The following PRR16 variants were observed in gnomAD, a reference collection of about 807,000 sequenced individuals.
PRR16 encodes the protein protein Largen.
Under a neutral mutation model 18.2 loss-of-function variants are expected in PRR16, and 6 were observed. The observed-to-expected ratio is 0.33, with a 90% CI of 0.18 to 0.65. PRR16 has a LOEUF of 0.65. Ranked by LOEUF, PRR16 falls within the 30% of genes least tolerant of loss-of-function variation. The probability of loss-of-function intolerance (pLI) is 0.74; values close to 1 mark genes in which losing one functional copy is unlikely to be tolerated. For missense variants in PRR16, 412 were observed against 376.6 expected, an observed-to-expected ratio of 1.09 and a Z score of -0.78; for synonymous variants, 151 against 147.8, an observed-to-expected ratio of 1.02 and a Z score of -0.16.
At chr5:120,502,883 A>G (rs10478474) in intron 1 of PRR16, among the ~76,000 whole-genome samples, 41,511 of 152,060 alleles carry the variant, frequency 0.27, 6,983 homozygotes, top group African/African-American at 0.48. Flanking sequence ...TTATTCAGAT[A>G]GTCTACTTTT....
chr5:120,667,124 C>A (rs1756409118), intron 1 of PRR16, among the ~76,000 whole-genome samples: 1 of 152,142 alleles, frequency 6.6e-6, no homozygotes, highest in Non-Finnish European at 1.5e-5. Flanking sequence ...TTGATTATTG[C>A]CACAATTTCC....
intron 1 of PRR16, among the ~76,000 whole-genome samples, chr5:120,621,083 A>G (rs971300864): frequency 1.1e-4 from 17 of 152,024 alleles, no homozygotes; most frequent in Non-Finnish European, 2.9e-5. Flanking sequence ...TTCCTCCAAA[A>G]TCCTGAGTCC....
At chr5:120,748,215 T>C in the PRR16 span, among the ~76,000 whole-genome samples, 1 of 152,088 alleles carries the variant, frequency 6.6e-6, no homozygotes, top group Non-Finnish European at 1.5e-5. Flanking sequence ...TATTTTTAAA[T>C]TACATGGTTT....
the PRR16 span, among the ~76,000 whole-genome samples, chr5:120,714,248 T>G: frequency 6.6e-6 from 1 of 152,158 alleles, no homozygotes; most frequent in Admixed American, 6.5e-5. Context: ...TAATAGAACA[T>G]AATGTAAAAT....
At chr5:120,579,724 C>A (rs1273644379) in intron 1 of PRR16, among the ~76,000 whole-genome samples, 1 of 152,060 alleles carries the variant, frequency 6.6e-6, no homozygotes, top group Admixed American at 6.6e-5. Context: ...CTGTATGGGG[C>A]CTTCTTTAAT....
the PRR16 span, among the ~76,000 whole-genome samples, chr5:120,793,365 G>A: frequency 1.3e-5 from 2 of 152,184 alleles, no homozygotes; most frequent in African/African-American, 2.4e-5. Flanking sequence ...AAAAAAAAAG[G>A]TATATGGTTT....
At chr5:120,688,717 G>C (rs1384732711), downstream of PRR16, among the ~76,000 whole-genome samples, 1 of 152,070 alleles carries the variant, frequency 6.6e-6, no homozygotes, top group African/African-American at 2.4e-5. Flanking sequence ...TCACCCTATA[G>C]TTTAAGACTG....
the PRR16 span, among the ~76,000 whole-genome samples, chr5:120,782,422 A>AT: frequency 6.6e-6 from 1 of 152,286 alleles, no homozygotes; most frequent in South Asian, 2.1e-4. Flanking sequence ...TATCTTTCAA[A>AT]TTGTGTTTTA....
intron 1 of PRR16, among the ~76,000 whole-genome samples, chr5:120,632,417 T>C (rs1207267612): frequency 6.6e-6 from 1 of 152,056 alleles, no homozygotes. Context: ...AGAAGGTCAA[T>C]TATTGAGCTA....
intron 1 of PRR16, among the ~76,000 whole-genome samples, chr5:120,641,945 C>T (rs774009760): frequency 1.1e-4 from 16 of 152,194 alleles, no homozygotes; most frequent in Middle Eastern, 3.4e-3. Context: ...CTCAAACCTA[C>T]TGCTCTTTAG....
At chr5:120,784,102 C>T in the PRR16 span, among the ~76,000 whole-genome samples, 1 of 152,042 alleles carries the variant, frequency 6.6e-6, no homozygotes, top group Non-Finnish European at 1.5e-5. Context: ...CTTATCCATT[C>T]ATTGGTTGAT....
intron 1 of PRR16, among the ~76,000 whole-genome samples, chr5:120,588,128 A>C (rs551303607): frequency 6.6e-6 from 1 of 152,332 alleles, no homozygotes; most frequent in South Asian, 2.1e-4. Flanking sequence ...TTTTATGATA[A>C]AAATTTAATG....
chr5:120,630,485 C>A (rs1320473593), intron 1 of PRR16, among the ~76,000 whole-genome samples: 1 of 152,108 alleles, frequency 6.6e-6, no homozygotes, highest in Non-Finnish European at 1.5e-5. Flanking sequence ...TGCTACAGTC[C>A]ACTGCTGGAG....
chr5:120,478,763 A>G (rs899941768), intron 1 of PRR16, among the ~76,000 whole-genome samples: 1 of 152,126 alleles, frequency 6.6e-6, no homozygotes, highest in Non-Finnish European at 1.5e-5. Context: ...ATCAGATGTA[A>G]TTCTATTTTC....
intron 1 of PRR16, among the ~76,000 whole-genome samples, chr5:120,533,993 T>C (rs1384929391): frequency 6.6e-6 from 1 of 152,174 alleles, no homozygotes; most frequent in Non-Finnish European, 1.5e-5. Context: ...TGAGCATTTT[T>C]AGGTGCCTCC....
the PRR16 span, among the ~76,000 whole-genome samples, chr5:120,754,111 T>C: frequency 9.4e-5 from 4 of 42,550 alleles, no homozygotes; most frequent in African/African-American, 2.3e-4. Flanking sequence ...AGGAAGAAAA[T>C]AGAATATTTC....
the PRR16 span, among the ~76,000 whole-genome samples, chr5:120,794,376 C>A: frequency 2.5e-4 from 38 of 152,200 alleles, no homozygotes; most frequent in African/African-American, 9.1e-4. Flanking sequence ...GTTCCAACAG[C>A]ATGCATTTAC....
chr5:120,743,556 T>C, the PRR16 span, among the ~76,000 whole-genome samples: 2 of 152,198 alleles, frequency 1.3e-5, no homozygotes, highest in African/African-American at 2.4e-5. Flanking sequence ...GTTTTTACAA[T>C]GGTAAGGAAC....
intron 1 of PRR16, among the ~76,000 whole-genome samples, chr5:120,578,198 G>A (rs1753144034): frequency 6.6e-6 from 1 of 152,034 alleles, no homozygotes; most frequent in African/African-American, 2.4e-5. Flanking sequence ...TGGTTTTATT[G>A]TCCTACTACA....
Sources: allele counts gnomAD v4.1 joint callset (sites outside exome capture counted in the v4.1 genomes callset), GRCh38; gene constraint gnomAD v4.1.1; transcripts MANE v1.5; gene names NCBI Gene and HGNC (gene_info 2026-07-23, HGNC 2026-07-21).